SEMA5A: variants seen among roughly 807,000 people sequenced by gnomAD.
The protein encoded by SEMA5A is semaphorin 5A.
Under a neutral mutation model 135.5 loss-of-function variants are expected in SEMA5A, and 55 were observed. The ratio of observed to expected loss-of-function variants is 0.41; its 90% confidence interval spans 0.33 to 0.51. The LOEUF is 0.51. Ranked by LOEUF, SEMA5A falls within the 20% of genes least tolerant of loss-of-function variation. SEMA5A has a pLI of 0.37. For missense variants in SEMA5A, 1,290 were observed against 1,419.9 expected (o/e 0.91, Z 1.47); for synonymous variants, 580 against 546.5 (o/e 1.06, Z -0.85).
At chr5:9,458,885 G>C (rs985790772) in intron 1 of SEMA5A, among the ~76,000 whole-genome samples, 4 of 152,132 alleles carry the variant, frequency 2.6e-5, no homozygotes, top group African/African-American at 9.7e-5. Context: ...TGTATCAAAG[G>C]CATCCTTTAA....
chr5:9,384,623 G>GATAC (rs1421724100), intron 2 of SEMA5A, among the ~76,000 whole-genome samples: 27 of 42,312 alleles, frequency 6.4e-4, no homozygotes, highest in African/African-American at 7.1e-4. Flanking sequence ...TAGATACATA[G>GATAC]ATAGATAGAT....
In SEMA5A at chr5:9,042,467, T is replaced by C. The variant is rs1736014154; in HGVS notation, c.*430A>G. Reference sequence around the variant, plus strand: ...TCTTTTTCTTCATTTTATGAAATATTATGGACCTATGCACTTCTTGTGGAA... The same window carrying C: ...TCTTTTTCTTCATTTTATGAAATATCATGGACCTATGCACTTCTTGTGGAA... On this transcript the variant is annotated 3_prime_UTR_variant, in exon 23 of 23. Transcript: ENST00000382496. The C allele has an allele frequency of 1.1e-5, 2 of 178,428 alleles. No homozygotes were observed. The highest frequency in any genetic ancestry group is 2.6e-4 in the South Asian group (2 of 7,598). 11.1% of individuals were successfully genotyped at this position (178,428 alleles called of 1,614,324 possible). A position where few individuals can be genotyped will look rare whatever the true frequency, so the allele number is the denominator to read the frequency against.
chr5:9,264,785 C>T (rs545320676), intron 5 of SEMA5A, among the ~76,000 whole-genome samples: 1 of 152,056 alleles, frequency 6.6e-6, no homozygotes, highest in Non-Finnish European at 1.5e-5. Flanking sequence ...TATTTGAGGA[C>T]AAAAATATAT....
At chr5:9,352,173 G>A (rs1267395124) in intron 3 of SEMA5A, among the ~76,000 whole-genome samples, 4 of 151,452 alleles carry the variant, frequency 2.6e-5, no homozygotes, top group African/African-American at 9.7e-5. Context: ...TTCAATGCAT[G>A]TGTTAAAAGG....
chr5:9,381,561 A>G (rs1212210660), intron 2 of SEMA5A, among the ~76,000 whole-genome samples: 1 of 152,206 alleles, frequency 6.6e-6, no homozygotes, highest in African/African-American at 2.4e-5. Context: ...ATTCTTTAAG[A>G]CACTGAGACA....
intron 1 of SEMA5A, among the ~76,000 whole-genome samples, chr5:9,474,725 C>T (rs925098314): frequency 3.3e-5 from 5 of 152,176 alleles, no homozygotes; most frequent in East Asian, 1.9e-4. Context: ...GTGAAACTTA[C>T]TGCCACCTAC....
At chr5:9,108,103 T>C (rs1431275455) in intron 16 of SEMA5A, 37 bp downstream of exon 16, 7 of 1,604,116 alleles carry the variant, frequency 4.4e-6, no homozygotes, top group Non-Finnish European at 6.0e-6. Flanking sequence ...TTCCTGGTTC[T>C]GGATTGTGGG....
intron 15 of SEMA5A, among the ~76,000 whole-genome samples, chr5:9,109,711 T>A (rs1436784541): frequency 6.6e-6 from 1 of 152,208 alleles, no homozygotes; most frequent in Non-Finnish European, 1.5e-5. Flanking sequence ...GCAACAGGAA[T>A]TGCAGAAGGC....
chr5:9,055,388 A>G (rs1223229619), intron 18 of SEMA5A, among the ~76,000 whole-genome samples: 1 of 152,236 alleles, frequency 6.6e-6, no homozygotes, highest in Non-Finnish European at 1.5e-5. Context: ...GAGACTCACT[A>G]TTGCTGTATG....
chr5:9,301,193 T>C (rs1224455166), intron 5 of SEMA5A, among the ~76,000 whole-genome samples: 3 of 152,198 alleles, frequency 2.0e-5, no homozygotes, highest in African/African-American at 7.2e-5. Flanking sequence ...AAAGGTAATG[T>C]TTAGTATTTT....
chr5:9,391,995 G>A (rs73740530), intron 2 of SEMA5A, among the ~76,000 whole-genome samples: 2,634 of 152,098 alleles, frequency 0.017, 69 homozygotes, highest in African/African-American at 0.059. Flanking sequence ...GCACATGCAC[G>A]CGTGTGCATG....
chr5:9,175,103 T>C (rs1472473071), intron 11 of SEMA5A, among the ~76,000 whole-genome samples: 1 of 152,180 alleles, frequency 6.6e-6, no homozygotes, highest in African/African-American at 2.4e-5. Flanking sequence ...TATTCTAATA[T>C]TCAGCAGCAA....
intron 4 of SEMA5A, among the ~76,000 whole-genome samples, chr5:9,335,645 C>T (rs1753355960): frequency 6.6e-6 from 1 of 152,188 alleles, no homozygotes; most frequent in African/African-American, 2.4e-5. Flanking sequence ...GGTCTGTTCC[C>T]TTGACTCAGA....
chr5:9,054,186 T>G lies in SEMA5A; in HGVS notation c.2590A>C (p.Arg864=). The G allele has an allele frequency of 6.2e-7, 1 of 1,614,068 alleles. No homozygotes were observed. Among genetic ancestry groups the G allele is most frequent in the East Asian group, 2.2e-5 (1 of 44,832 alleles). ...GCTGGATTGGAGCAAGAGCGGGTCCTCATATAGTGTCCACCGCCGCATGTT... is the reference window on the plus strand; with the variant it reads ...GCTGGATTGGAGCAAGAGCGGGTCCGCATATAGTGTCCACCGCCGCATGTT... ...SATCGGGHYM[R]TRSCSNPAPA... is the part of the protein sequence containing the mutation. The change falls in exon 19 of 23, where the codon AGG becomes CGG. Residue 864 remains arginine (R), a synonymous_variant. Transcript: ENST00000382496.
chr5:9,357,195 T>G (rs1169379257), intron 3 of SEMA5A, among the ~76,000 whole-genome samples: 2 of 152,156 alleles, frequency 1.3e-5, no homozygotes, highest in East Asian at 3.9e-4. Flanking sequence ...ATAATTATAA[T>G]TCTATTTTTG....
At chr5:9,497,563 G>A (rs73036779) in intron 1 of SEMA5A, among the ~76,000 whole-genome samples, 1,574 of 152,260 alleles carry the variant, frequency 0.01, 25 homozygotes, top group African/African-American at 0.036. Flanking sequence ...GATAAAGACT[G>A]TGTTTGCAAA....
At chr5:9,285,946 T>C (rs1000007818) in intron 5 of SEMA5A, among the ~76,000 whole-genome samples, 3 of 152,248 alleles carry the variant, frequency 2.0e-5, no homozygotes, top group Admixed American at 6.5e-5. Context: ...AGGTGATGCA[T>C]ACCCCAATTA....
intron 2 of SEMA5A, among the ~76,000 whole-genome samples, chr5:9,394,492 T>C (rs1468159151): frequency 6.6e-6 from 1 of 152,100 alleles, no homozygotes; most frequent in Non-Finnish European, 1.5e-5. Flanking sequence ...GGCCTGCTTG[T>C]TACTGTGGCC....
At chr5:9,306,324 C>A (rs945318891) in intron 5 of SEMA5A, among the ~76,000 whole-genome samples, 11 of 152,120 alleles carry the variant, frequency 7.2e-5, no homozygotes, top group African/African-American at 2.4e-4. Flanking sequence ...TTTTATCTAC[C>A]CTTTCCAATT....
Sources: gnomAD v4.1 joint callset for allele counts (sites outside exome capture counted in the v4.1 genomes callset) on GRCh38, gnomAD v4.1.1 for gene constraint, MANE v1.5 for transcripts, NCBI Gene and HGNC (gene_info 2026-07-23, HGNC 2026-07-21) for gene names.